The following RAMP1 variants were observed in gnomAD, a reference collection of about 807,000 sequenced individuals.
RAMP1 encodes the protein receptor activity modifying protein 1.
RAMP1 carries 7 observed loss-of-function variants against 8.2 expected under a neutral mutation model. The ratio of observed to expected loss-of-function variants is 0.85; its 90% CI spans 0.49 to 1.60. The LOEUF (loss-of-function observed/expected upper bound fraction) is 1.60, where lower values mean the gene tolerates loss of function less well. Ranked by LOEUF, RAMP1 falls within the 40% of genes most tolerant of loss-of-function variation. The pLI is 0.00. For missense variants in RAMP1, 192 were observed against 202.4 expected (o/e 0.95, Z 0.31); for synonymous variants, 92 against 84.7 (o/e 1.09, Z -0.47).
At chr2:237,905,175 G>A (rs1359970812) in intron 2 of RAMP1, among the ~76,000 whole-genome samples, 1 of 152,194 alleles carries the variant, frequency 6.6e-6, no homozygotes, top group Non-Finnish European at 1.5e-5. Flanking sequence ...ACTTTAGGGA[G>A]TTAAAGCCAG....
chr2:237,894,457 C>T (rs953716589), intron 2 of RAMP1, among the ~76,000 whole-genome samples: 2 of 152,180 alleles, frequency 1.3e-5, no homozygotes, highest in Non-Finnish European at 1.5e-5. Flanking sequence ...TAGGCCAGGG[C>T]GAGGCTGGCT....
intron 2 of RAMP1, among the ~76,000 whole-genome samples, chr2:237,901,716 G>A (rs566126517): frequency 2.6e-5 from 4 of 152,258 alleles, no homozygotes; most frequent in East Asian, 1.9e-4. Flanking sequence ...CTTGGGCAGC[G>A]GCCAGGGTGT....
intron 2 of RAMP1, among the ~76,000 whole-genome samples, chr2:237,885,300 C>T (rs141013329): frequency 2.2e-3 from 330 of 152,292 alleles, no homozygotes; most frequent in African/African-American, 7.7e-3. Context: ...CACGAGGTCT[C>T]GGGATGGGCT....
chr2:237,911,391 C>T, intron 2 of RAMP1, 137 bp from the exon 3 acceptor site: 2 of 1,255,008 alleles, frequency 1.6e-6, no homozygotes, highest in Non-Finnish European at 2.2e-6. Context: ...GATCCAGGGC[C>T]ACTGCCTCGG....
At chr2:237,892,301 C>T (rs2062495194) in intron 2 of RAMP1, among the ~76,000 whole-genome samples, 1 of 131,592 alleles carries the variant, frequency 7.6e-6, no homozygotes, top group African/African-American at 3.0e-5. Flanking sequence ...TTTTTTGAGA[C>T]AAGCTGGAGT....
intron 1 of RAMP1, among the ~76,000 whole-genome samples, chr2:237,871,697 G>A (rs547433878): frequency 3.9e-5 from 6 of 152,248 alleles, no homozygotes; most frequent in Middle Eastern, 3.4e-3. Flanking sequence ...ATCTGGACAC[G>A]CTCCTCCAGG....
chr2:237,861,135 A>C (rs565649495), intron 1 of RAMP1, among the ~76,000 whole-genome samples: 1 of 152,346 alleles, frequency 6.6e-6, no homozygotes, highest in Non-Finnish European at 1.5e-5. Context: ...GTTCTTTACT[A>C]GTGTCCAGAG....
intron 2 of RAMP1, among the ~76,000 whole-genome samples, chr2:237,896,081 T>A (rs1225887590): frequency 6.6e-6 from 1 of 152,172 alleles, no homozygotes; most frequent in Non-Finnish European, 1.5e-5. Context: ...CATTCCCTGA[T>A]CCTCGGACCC....
chr2:237,888,828 G>T (rs2062461498), intron 2 of RAMP1, among the ~76,000 whole-genome samples: 1 of 152,122 alleles, frequency 6.6e-6, no homozygotes. Context: ...CTGGAGTGCA[G>T]CGGCACAATC....
chr2:237,874,516 G>T, intron 1 of RAMP1: 1 of 317,828 alleles, frequency 3.1e-6, no homozygotes, highest in Non-Finnish European at 4.6e-6. Flanking sequence ...TCTGTTGCGT[G>T]CAGCCAAGGA....
chr2:237,908,495 C>T (rs151237644), intron 2 of RAMP1, among the ~76,000 whole-genome samples: 43 of 151,976 alleles, frequency 2.8e-4, no homozygotes, highest in Middle Eastern at 3.4e-3. Flanking sequence ...GGCATGATCT[C>T]GGCATGATCT....
rs1053136608 is a variant in RAMP1 at position 237,878,176 on chromosome 2, G to A, written c.191+814G>A. On this transcript the variant is annotated intron_variant, in intron 2 of 2. Transcript: ENST00000254661. This position sits in a 1 kb window ranked among gnomAD's most constrained non-coding sequence, Gnocchi z 5.7. ...ACCGCCTCCCTGCCATGCAAACTTC[G>A]CACAGAGATCTGTCTGTGGGTTCAC... 1.4e-5 allele frequency: 14 copies of A among 984,690 alleles called. No homozygotes were observed. In the East Asian group the frequency reaches 3.4e-4, roughly 24 times the overall value. 61.0% of individuals were successfully genotyped at this position (984,690 alleles called of 1,614,324 possible).
At position 237,862,844 on chromosome 2, in the gene RAMP1, T is replaced by C. The variant is rs1052111316; in HGVS notation, c.52+3117T>C. Among the ~76,000 whole-genome samples the C allele has an allele frequency of 5.3e-5, 8 of 152,202 alleles. No individual in the cohort carries two copies. The highest frequency in any genetic ancestry group is 8.8e-5 in the Non-Finnish European group (6 of 68,036). On this transcript the variant is annotated intron_variant, in intron 1 of 2. Transcript: ENST00000254661. This position sits in a 1 kb window ranked among gnomAD's most constrained non-coding sequence, Gnocchi z 4.0. ...GCCGCAGGCTGGACAGTCAGTGTTC[T>C]GCTGGAACCACGGGGAAAAGCTGCG... is the stretch of plus-strand genomic sequence containing the variant.
chr2:237,911,225 G>A (rs2062709074), intron 2 of RAMP1, among the ~76,000 whole-genome samples: 1 of 121,032 alleles, frequency 8.3e-6, no homozygotes, highest in Non-Finnish European at 1.9e-5. Flanking sequence ...TGGTGGCAGA[G>A]GTTCGGGCCT....
chr2:237,910,392 CACACAGAGTA>C (rs1356528070), intron 2 of RAMP1, among the ~76,000 whole-genome samples: 1 of 151,652 alleles, frequency 6.6e-6, no homozygotes, highest in Non-Finnish European at 1.5e-5. Flanking sequence ...GTCACACACA[CACACAGAGTA>C]ACACAGTGTT....
At chr2:237,883,287 T>G (rs1284115803) in intron 2 of RAMP1, among the ~76,000 whole-genome samples, 1 of 152,156 alleles carries the variant, frequency 6.6e-6, no homozygotes, top group Non-Finnish European at 1.5e-5. Context: ...AGGTCTCATT[T>G]AACAACAGCT....
At chr2:237,910,961 A>G (rs1480034651) in intron 2 of RAMP1, among the ~76,000 whole-genome samples, 1 of 152,192 alleles carries the variant, frequency 6.6e-6, no homozygotes, top group African/African-American at 2.4e-5. Flanking sequence ...ACAGAGTCAC[A>G]CACAGTGAAT....
intron 1 of RAMP1, among the ~76,000 whole-genome samples, chr2:237,871,441 A>G (rs1429490834): frequency 6.6e-6 from 1 of 152,228 alleles, no homozygotes; most frequent in East Asian, 1.9e-4. Flanking sequence ...GGACCAGGCC[A>G]TGCAGGGAGC....
chr2:237,866,192 G>A (rs1457465744), intron 1 of RAMP1, among the ~76,000 whole-genome samples: 1 of 151,976 alleles, frequency 6.6e-6, no homozygotes, highest in East Asian at 1.9e-4. Context: ...CATTTCTCCT[G>A]CAGATGACTC....
Sources: gnomAD v4.1 joint callset for allele counts (sites outside exome capture counted in the v4.1 genomes callset) on GRCh38, gnomAD v4.1.1 for gene constraint, Gnocchi (gnomAD v3.1) non-coding constraint, MANE v1.5 for transcripts, NCBI Gene and HGNC (gene_info 2026-07-23, HGNC 2026-07-21) for gene names.